Variants in GSK3B observed in about 807,000 individuals in gnomAD.
The protein encoded by GSK3B is glycogen synthase kinase-3 beta.
A neutral mutation model predicts 56.4 loss-of-function variants in GSK3B; 15 were observed. That is an observed-to-expected ratio of 0.27 (90% CI 0.18 to 0.41). The LOEUF (loss-of-function observed/expected upper bound fraction) is 0.41. GSK3B is among the 10% of genes least tolerant of loss of function. The pLI is 1.00. For synonymous variants in GSK3B, 181 were observed against 188.9 expected, an observed-to-expected ratio of 0.96 and a Z score of 0.34; for missense variants, 300 against 513.4, an observed-to-expected ratio of 0.58 and a Z score of 4.02.
intron 1 of GSK3B, among the ~76,000 whole-genome samples, chr3:120,015,999 T>G (rs149449771): frequency 4.6e-4 from 70 of 152,270 alleles, no homozygotes; most frequent in Non-Finnish European, 7.3e-5. Flanking sequence ...TGTATTTAGG[T>G]ATGGGTGGGA....
chr3:120,035,072 G>A (rs192456941), intron 1 of GSK3B, among the ~76,000 whole-genome samples: 13 of 152,098 alleles, frequency 8.5e-5, no homozygotes, highest in Non-Finnish European at 1.8e-4. Context: ...CAGCCTGGGC[G>A]AGAGAGTGAG....
intron 6 of GSK3B, among the ~76,000 whole-genome samples, chr3:119,907,223 T>C (rs1434003357): frequency 1.3e-5 from 2 of 152,124 alleles, no homozygotes; most frequent in Admixed American, 1.3e-4. Context: ...CACTCAACTT[T>C]TTTCCTCTCT....
At chr3:119,938,577 C>G (rs2057017889) in intron 3 of GSK3B, among the ~76,000 whole-genome samples, 1 of 152,008 alleles carries the variant, frequency 6.6e-6, no homozygotes, top group Non-Finnish European at 1.5e-5. Context: ...CTGATAAACT[C>G]CAATTCCATT....
intron 1 of GSK3B, among the ~76,000 whole-genome samples, chr3:120,073,219 TAAAAAAAA>T (rs972347264): frequency 4.2e-5 from 3 of 70,632 alleles, no homozygotes; most frequent in African/African-American, 1.0e-4. Flanking sequence ...CAAAAAAAAT[TAAAAAAAA>T]AAAAAAAAAA....
At chr3:120,093,145 C>A (rs1291941430) in intron 1 of GSK3B, among the ~76,000 whole-genome samples, 1 of 152,140 alleles carries the variant, frequency 6.6e-6, no homozygotes, top group South Asian at 2.1e-4. Flanking sequence ...ATCATATTAT[C>A]TCAATTCAAG....
At chr3:119,951,191 G>A (rs182895051) in intron 2 of GSK3B, among the ~76,000 whole-genome samples, 10 of 152,302 alleles carry the variant, frequency 6.6e-5, no homozygotes, top group Non-Finnish European at 1.2e-4. Context: ...GCTCAACAGA[G>A]CCCCGGAGAA....
intron 2 of GSK3B, among the ~76,000 whole-genome samples, chr3:119,997,424 T>C (rs2057629975): frequency 1.3e-5 from 2 of 152,144 alleles, no homozygotes; most frequent in Admixed American, 6.5e-5. Context: ...TACACATATC[T>C]AGATTAAAAA....
chr3:119,948,074 G>T (rs2057117733), intron 2 of GSK3B, among the ~76,000 whole-genome samples: 1 of 152,100 alleles, frequency 6.6e-6, no homozygotes, highest in Admixed American at 6.6e-5. Flanking sequence ...TAACAAAGAG[G>T]TTATTATAGT....
At chr3:120,071,438 C>CTTCA (rs1298834060) in intron 1 of GSK3B, among the ~76,000 whole-genome samples, 2 of 152,184 alleles carry the variant, frequency 1.3e-5, no homozygotes, top group East Asian at 3.8e-4. Flanking sequence ...GGGAGCAAGG[C>CTTCA]TTCATCCGTA....
intron 2 of GSK3B, among the ~76,000 whole-genome samples, chr3:119,985,368 A>G (rs2057506007): frequency 6.6e-6 from 1 of 152,234 alleles, no homozygotes; most frequent in South Asian, 2.1e-4. Context: ...AATAAAGGGC[A>G]TTCAATTAGG....
rs893408743 is a variant in GSK3B, at chr3:119,824,958, G to A, written c.*1830C>T. ...AGGGCTGCCAACAGACTCCACTTCC[G>A]AACCCTCTGGAGGACGAGACCCATA... is the stretch of plus-strand genomic sequence containing the variant. On this transcript the variant is annotated 3_prime_UTR_variant, in exon 11 of 11. Coordinates refer to ENST00000264235, the MANE Select transcript of GSK3B (RefSeq NM_001146156.2). The A allele has an allele frequency of 9.4e-5, 17 of 181,786 alleles. No individual in the cohort carries two copies. In the Admixed American group the frequency reaches 1.0e-3, roughly 11 times the overall value. The allele number at this position is 181,786 out of a possible 1,614,324, so 11.3% of individuals were successfully genotyped here.
At position 119,865,681 on chromosome 3, in the gene GSK3B, G is replaced by C. The variant is rs546953594; in HGVS notation, c.910-2076C>G. 4.0e-5 allele frequency among the ~76,000 whole-genome samples: 6 copies of C among 151,486 alleles called. 1 individual carries two copies. The highest frequency in any genetic ancestry group is 1.5e-4 in the African/African-American group (6 of 41,330). Reference sequence around the variant, plus strand: ...AGATGGGGTTTCACCGTGTTAGCCAGGATGGTCTCCATCTCCTGACCTCAT... The same window carrying C: ...AGATGGGGTTTCACCGTGTTAGCCACGATGGTCTCCATCTCCTGACCTCAT... On this transcript the variant is annotated intron_variant, in intron 8 of 10. Coordinates refer to ENST00000264235, the MANE Select transcript of GSK3B (RefSeq NM_001146156.2).
chr3:120,020,517 T>C (rs1332670392), intron 1 of GSK3B, among the ~76,000 whole-genome samples: 1 of 152,184 alleles, frequency 6.6e-6, no homozygotes, highest in Non-Finnish European at 1.5e-5. Context: ...TTATACCCAT[T>C]ATGGTGATCT....
intron 1 of GSK3B, chr3:120,084,707 T>G (rs909012614): frequency 3.9e-5 from 6 of 152,230 alleles, no homozygotes; most frequent in Non-Finnish European, 7.3e-5. Context: ...CTTTTTATTA[T>G]GAAATAAACA....
chr3:120,092,532 T>C (rs902147005), intron 1 of GSK3B, among the ~76,000 whole-genome samples: 3 of 152,344 alleles, frequency 2.0e-5, no homozygotes, highest in Non-Finnish European at 2.9e-5. Flanking sequence ...TTTAACTTAG[T>C]ATTTGGCACT....
At chr3:119,886,403 G>A (rs1017744795) in intron 7 of GSK3B, among the ~76,000 whole-genome samples, 4 of 152,114 alleles carry the variant, frequency 2.6e-5, no homozygotes, top group Admixed American at 6.6e-5. Flanking sequence ...ATGCTGGTGA[G>A]GCTGCAGAGA....
At chr3:119,976,448 A>G (rs2057408950) in intron 2 of GSK3B, among the ~76,000 whole-genome samples, 1 of 152,218 alleles carries the variant, frequency 6.6e-6, no homozygotes, top group African/African-American at 2.4e-5. Flanking sequence ...CAAAAATACT[A>G]TTCTAAGTGA....
chr3:119,881,395 T>C (rs1398736642), intron 7 of GSK3B, among the ~76,000 whole-genome samples: 3 of 152,218 alleles, frequency 2.0e-5, no homozygotes, highest in South Asian at 2.1e-4. Context: ...GTAATTCTTC[T>C]AGCTCTAATT....
chr3:119,862,239 T>C (rs6773751), intron 9 of GSK3B, among the ~76,000 whole-genome samples: 33,917 of 143,038 alleles, frequency 0.24, 4,418 homozygotes, highest in East Asian at 0.48. Flanking sequence ...ATGGATGAAA[T>C]TGGAAACCAT....
Sources: gnomAD v4.1 joint callset for allele counts (sites outside exome capture counted in the v4.1 genomes callset) on GRCh38, gnomAD v4.1.1 for gene constraint, MANE v1.5 for transcripts, NCBI Gene and HGNC (gene_info 2026-07-23, HGNC 2026-07-21) for gene names.